Variants in AHDC1 observed in about 807,000 individuals in gnomAD.
AHDC1 encodes the protein AT-hook DNA binding motif containing 1, also known as transcription factor Gibbin.
A neutral mutation model predicts 87.9 loss-of-function variants in AHDC1; 7 were observed. That is an observed-to-expected ratio of 0.08 (90% CI 0.05 to 0.15). AHDC1 has a LOEUF of 0.15. AHDC1 is among the 10% of genes least tolerant of loss of function. The pLI, the probability that AHDC1 is intolerant of heterozygous loss-of-function variation, is 1.00. For synonymous variants in AHDC1, 1,051 were observed against 1,006.8 expected, an observed-to-expected ratio of 1.04 and a Z score of -0.83; for missense variants, 1,841 against 2,253.2, an observed-to-expected ratio of 0.82 and a Z score of 3.70.
At position 27,551,855 on chromosome 1, in the gene AHDC1, C is replaced by G. The variant is rs1342711057; in HGVS notation, c.261G>C (p.Arg87=). The change falls in exon 8 of 9, where the codon CGG becomes CGC. Residue 87 remains arginine, a synonymous_variant. Transcript: ENST00000673934. ...GGGCCTGTGAGACAGGACGGGCTGC[C>G]CGTGGGGGCAGCGGGTCGTCCCCCT... ...LAKGDDPLPP[R]AARPVSQARC... 6 of 1,609,448 alleles carry G rather than the reference C, an allele frequency of 3.7e-6. No homozygotes were observed. In the African/African-American group the frequency reaches 5.4e-5, roughly 14 times the overall value.
At chr1:27,597,383 G>C (rs892390060) in intron 3 of AHDC1, among the ~76,000 whole-genome samples, 1 of 151,892 alleles carries the variant, frequency 6.6e-6, no homozygotes, top group African/African-American at 2.4e-5. Context: ...GTGTGAGAGA[G>C]AGAGAGAGAG....
In AHDC1 at chr1:27,551,522, G is replaced by A. The variant is rs191744136; in HGVS notation, c.594C>T (p.Tyr198=). 47 of 1,604,420 alleles carry A rather than the reference G, an allele frequency of 2.9e-5. No individual in the cohort carries two copies. In the East Asian group the frequency reaches 3.6e-4, roughly 12 times the overall value. ...TGTCCCTAGGCTCAGGCTCAGGCTC[G>A]TAGAGGGGATGGCTGGGCCGCTCCG... is the stretch of plus-strand genomic sequence containing the variant. ...AKSERPSHPL[Y]EPEPEPRDSP... Residue 198 remains tyrosine (Y), a synonymous_variant, in exon 8 of 9, where the codon TAC becomes TAT. Transcript: ENST00000673934.
At chr1:27,553,761 C>T (rs1262542974) in intron 5 of AHDC1, among the ~76,000 whole-genome samples, 2 of 152,038 alleles carry the variant, frequency 1.3e-5, no homozygotes, top group Non-Finnish European at 1.5e-5. Context: ...CCTACAGCAG[C>T]GCTTAAAAAA....
chr1:27,584,400 CATT>C (rs1201942546), intron 3 of AHDC1, among the ~76,000 whole-genome samples: 2 of 152,200 alleles, frequency 1.3e-5, no homozygotes, highest in African/African-American at 4.8e-5. Context: ...GCATCAATGC[CATT>C]ATTATTTCCC....
At position 27,558,718 on chromosome 1, in the gene AHDC1, C is replaced by T. The variant is rs1359425736; in HGVS notation, c.-463G>A. ...TGCACACTGTTACCTGAGCAGGCTG[C>T]GAAGATAGGCTGGGCTCAGCAGGAA... On this transcript the variant is annotated 5_prime_UTR_variant, in exon 4 of 9. Coordinates refer to ENST00000673934, the MANE Select transcript of AHDC1 (RefSeq NM_001371928.1). The surrounding 1 kb of genome is among the most constrained non-coding windows in gnomAD (Gnocchi z 5.6). 2.8e-5 allele frequency: 11 copies of T among 398,488 alleles called. No individual in the cohort carries two copies. Among genetic ancestry groups the T allele is most frequent in the South Asian group, 1.3e-4 (1 of 7,860 alleles). 24.7% of individuals were successfully genotyped at this position (398,488 alleles called of 1,614,324 possible).
intron 3 of AHDC1, among the ~76,000 whole-genome samples, chr1:27,594,673 G>A (rs1390368969): frequency 6.6e-6 from 1 of 152,172 alleles, no homozygotes; most frequent in African/African-American, 2.4e-5. Context: ...AGAGCGGGAG[G>A]CCTGGGCAGC....
At chr1:27,602,137 C>G (rs1490423949) in intron 3 of AHDC1, among the ~76,000 whole-genome samples, 1 of 152,124 alleles carries the variant, frequency 6.6e-6, no homozygotes, top group Non-Finnish European at 1.5e-5. Flanking sequence ...TGGTGCAGAA[C>G]CGAGGGCACC....
rs576232325 is a variant in AHDC1, at chr1:27,575,634, C to A, written c.-628-16751G>T. On this transcript the variant is annotated intron_variant, in intron 3 of 8. Transcript: ENST00000673934. ...GCGCGCAGCCCGGGCTGCCAAGGCT[C>A]CCCGAAGGAGAGCCACATGCCGGCC... Among the ~76,000 whole-genome samples the A allele has an allele frequency of 3.2e-3, 490 of 151,506 alleles. 8 individuals are homozygous for A. The highest frequency in any genetic ancestry group is 0.027 in the Admixed American group (414 of 15,244).
rs142275561 is a variant in AHDC1 at position 27,549,188 on chromosome 1, G to C, written c.2928C>G (p.Ala976=). The change falls in exon 8 of 9, where the codon GCC becomes GCG. Residue 976 remains alanine (A), a synonymous_variant. Coordinates refer to ENST00000673934, the MANE Select transcript of AHDC1 (RefSeq NM_001371928.1). ...TYLPQYGGYG[A]GQSVFAPTKP... ...TAGTTGGGGCGAATACGCTTTGTCC[G>C]GCCCCATAGCCGCCGTACTGGGGCA... is the stretch of plus-strand genomic sequence containing the variant. 2.5e-6 allele frequency: 4 copies of C among 1,590,176 alleles called. No individual in the cohort carries two copies. The highest frequency in any genetic ancestry group is 3.4e-5 in the Admixed American group (2 of 59,130).
chr1:27,534,411 C>T lies in AHDC1; in HGVS notation c.*549G>A, dbSNP rs372499921. On this transcript the variant is annotated 3_prime_UTR_variant, in exon 9 of 9. Transcript: ENST00000673934. ...AAATAAGAAAGAAAAAAAAAGCTCC[C>T]GCAAGAGGTTCTTCTCCCTCCCCCC... is the stretch of plus-strand genomic sequence containing the variant. 36 of 151,902 alleles carry T rather than the reference C, an allele frequency of 2.4e-4. 2 individuals are homozygous for T. Among genetic ancestry groups the T allele is most frequent in the Admixed American group, 1.3e-3 (20 of 15,250 alleles). 9.4% of individuals were successfully genotyped at this position (151,902 alleles called of 1,614,324 possible).
intron 3 of AHDC1, among the ~76,000 whole-genome samples, chr1:27,584,087 A>G (rs2088980876): frequency 6.6e-6 from 1 of 152,160 alleles, no homozygotes; most frequent in South Asian, 2.1e-4. Context: ...ACAACACCCT[A>G]TGGAGGAGAG....
chr1:27,581,697 T>C (rs1051258870), intron 3 of AHDC1, among the ~76,000 whole-genome samples: 2 of 152,180 alleles, frequency 1.3e-5, no homozygotes, highest in Non-Finnish European at 2.9e-5. Flanking sequence ...GCTAGCTACA[T>C]CTTCCTCAAA....
chr1:27,539,740 G>A (rs115557576), intron 8 of AHDC1, among the ~76,000 whole-genome samples: 3,720 of 152,226 alleles, frequency 0.024, 167 homozygotes, highest in African/African-American at 0.084. Flanking sequence ...CACCGCACCC[G>A]GCCTGAGAAT....
Position 27,547,796 on chromosome 1 carries a change from G to A in AHDC1, c.4320C>T (p.Ala1440=). 6.4e-7 allele frequency: 1 copy of A among 1,567,282 alleles called. No individual in the cohort carries two copies. Among genetic ancestry groups the A allele is most frequent in the Non-Finnish European group, 8.7e-7 (1 of 1,155,330 alleles). The change falls in exon 8 of 9, where the codon GCC becomes GCT. Residue 1440 remains alanine, a synonymous_variant. Coordinates refer to ENST00000673934, the MANE Select transcript of AHDC1 (RefSeq NM_001371928.1). The surrounding 1 kb of genome is among the most constrained non-coding windows in gnomAD (Gnocchi z 4.9). ...QGASLGHAAA[A]QAHLSCRDLP... ...GGTCCCGGCAGCTCAGGTGGGCCTG[G>A]GCTGCAGCTGCGTGGCCCAGGCTGG... is the stretch of plus-strand genomic sequence containing the variant.
Position 27,565,174 on chromosome 1 carries a change from TC to T in AHDC1, c.-628-6292del, listed in dbSNP as rs2020264777. Among the ~76,000 whole-genome samples, 1 of 151,864 alleles carries T rather than the reference TC, an allele frequency of 6.6e-6. No individual in the cohort carries two copies. The highest frequency in any genetic ancestry group is 1.5e-5 in the Non-Finnish European group (1 of 67,920). ...GCTGAGGCCTCGATGCCAGCTTTGT[TC>T]CCCCCACCCACCCGCCGAGGGGGCC... is the stretch of plus-strand genomic sequence containing the variant. On this transcript the variant is annotated intron_variant, in intron 3 of 8. Coordinates refer to ENST00000673934, the MANE Select transcript of AHDC1 (RefSeq NM_001371928.1). The surrounding 1 kb of genome is among the most constrained non-coding windows in gnomAD (Gnocchi z 4.6).
At position 27,551,826 on chromosome 1, in the gene AHDC1, C is replaced by A. The variant is rs1477425618; in HGVS notation, c.290G>T (p.Cys97Phe). Reference protein sequence around the residue: ...RAARPVSQARCPTPVGDGSSS... With the variant: ...RAARPVSQARFPTPVGDGSSS... The stretch of plus-strand genomic sequence containing the variant: ...GCTGCCGTCTCCGACCGGTGTGGGG[C>A]AGCGGGCCTGTGAGACAGGACGGGC... Residue 97 changes from cysteine to phenylalanine, a missense_variant, in exon 8 of 9, where the codon TGC (cysteine) becomes TTC (phenylalanine). Physicochemically the swap from Cys to Phe is radical, Grantham distance 205. Around this residue, in one of 13 missense-constraint regions of AHDC1, gnomAD observed 142 missense variants for 165.6 expected, o/e 0.86. Coordinates refer to ENST00000673934, the MANE Select transcript of AHDC1 (RefSeq NM_001371928.1). 1 of 1,611,920 alleles carries A rather than the reference C, an allele frequency of 6.2e-7. No homozygotes were observed. Among genetic ancestry groups the A allele is most frequent in the South Asian group, 1.1e-5 (1 of 91,044 alleles).
rs2089444195 is a variant in AHDC1 at position 27,598,699 on chromosome 1, A to C, written c.-629+4698T>G. Among the ~76,000 whole-genome samples, 1 of 152,130 alleles carries C rather than the reference A, an allele frequency of 6.6e-6. No individual in the cohort carries two copies. ...ACCAGTGTCACCCCCACAACAGTGG[A>C]GGCTGGTTTTGGCCATGTAGTGACC... On this transcript the variant is annotated intron_variant, in intron 3 of 8. Coordinates refer to ENST00000673934, the MANE Select transcript of AHDC1 (RefSeq NM_001371928.1). This position sits in a 1 kb window ranked among gnomAD's most constrained non-coding sequence, Gnocchi z 4.2.
intron 8 of AHDC1, among the ~76,000 whole-genome samples, chr1:27,546,571 C>T (rs911446615): frequency 6.6e-6 from 1 of 152,252 alleles, no homozygotes; most frequent in African/African-American, 2.4e-5. Context: ...CCCTTCTCCA[C>T]TTCTGGGTCC....
At chr1:27,600,484 T>A (rs1161646759) in intron 3 of AHDC1, among the ~76,000 whole-genome samples, 1 of 148,204 alleles carries the variant, frequency 6.7e-6, no homozygotes, top group African/African-American at 2.5e-5. Context: ...ACAAAAAAAA[T>A]TGAAATTGAC....
Sources: gnomAD v4.1 joint callset for allele counts (sites outside exome capture counted in the v4.1 genomes callset) on GRCh38, gnomAD v4.1.1 for gene constraint, gnomAD v4.1.1 regional missense constraint, Gnocchi (gnomAD v3.1) non-coding constraint, MANE v1.5 for transcripts, NCBI Gene and HGNC (gene_info 2026-07-23, HGNC 2026-07-21) for gene names.